PRKRIP1: variants seen among roughly 807,000 people sequenced by gnomAD.
PRKRIP1 encodes PRKR-interacting protein 1.
Under a neutral mutation model 29.3 loss-of-function variants are expected in PRKRIP1, and 29 were observed. The observed-to-expected ratio is 0.99, with a 90% CI of 0.74 to 1.35. The LOEUF (loss-of-function observed/expected upper bound fraction) is 1.35, where lower values mean the gene tolerates loss of function less well. Among genes scored for constraint, PRKRIP1 ranks in the 40% most tolerant of loss-of-function variants. The pLI, the probability that PRKRIP1 is intolerant of heterozygous loss-of-function variation, is 0.00. For synonymous variants in PRKRIP1, 90 were observed against 85.1 expected, an observed-to-expected ratio of 1.06 and a Z score of -0.32; for missense variants, 247 against 236.8, an observed-to-expected ratio of 1.04 and a Z score of -0.28.
At chr7:102,410,555 T>G (rs1796354128) in intron 5 of PRKRIP1, among the ~76,000 whole-genome samples, 1 of 152,142 alleles carries the variant, frequency 6.6e-6, no homozygotes, top group Non-Finnish European at 1.5e-5. Flanking sequence ...ACAGCTACTG[T>G]GGCAGGGGGG....
chr7:102,416,126 C>T (rs1242627315), intron 5 of PRKRIP1, among the ~76,000 whole-genome samples: 1 of 152,244 alleles, frequency 6.6e-6, no homozygotes, highest in Non-Finnish European at 1.5e-5. Flanking sequence ...CAGCCTGCCC[C>T]ATGGGGTTGT....
At chr7:102,416,253 A>G (rs1476463081) in intron 5 of PRKRIP1, among the ~76,000 whole-genome samples, 1 of 152,214 alleles carries the variant, frequency 6.6e-6, no homozygotes, top group Non-Finnish European at 1.5e-5. Flanking sequence ...ATTCACAGAA[A>G]GATTGCAAAG....
chr7:102,397,745 A>AT, intron 2 of PRKRIP1, 47 bp downstream of exon 2: 1 of 1,562,124 alleles, frequency 6.4e-7, no homozygotes. Flanking sequence ...TGTAAATATA[A>AT]TTTTTTAAGG....
In PRKRIP1 at chr7:102,417,730, G is replaced by A. The variant is rs550249828; in HGVS notation, c.458-7284G>A. ...AACTCCGGGCTCAAACAATCCTCTC[G>A]CCTCAGCTTCCTGAGTAGCTGGGCC... On this transcript the variant is annotated intron_variant, in intron 5 of 5. Transcript: ENST00000397912. Among the ~76,000 whole-genome samples, 175 of 147,350 alleles carry A rather than the reference G, an allele frequency of 1.2e-3. 6 individuals are homozygous for A. The South Asian group carries it at 0.036, about 31-fold the overall frequency.
At chr7:102,422,197 CG>C (rs1440066775) in intron 5 of PRKRIP1, among the ~76,000 whole-genome samples, 1 of 144,482 alleles carries the variant, frequency 6.9e-6, no homozygotes, top group Admixed American at 7.0e-5. Context: ...TTATCAGAGA[CG>C]GATTCTAGCT....
rs189375952 is a variant in PRKRIP1 at position 102,422,188 on chromosome 7, T to C, written c.458-2826T>C. Among the ~76,000 whole-genome samples, 84 of 147,396 alleles carry C rather than the reference T, an allele frequency of 5.7e-4. 1 individual carries two copies. The highest frequency in any genetic ancestry group is 1.7e-3 in the African/African-American group (70 of 40,370). On this transcript the variant is annotated intron_variant, in intron 5 of 5. Transcript: ENST00000397912. The stretch of plus-strand genomic sequence containing the variant: ...TTATTATTATTATTATGATTATTAT[T>C]ATCAGAGACGGATTCTAGCTCTGTT...
At chr7:102,414,705 TA>T (rs782475241) in intron 5 of PRKRIP1, among the ~76,000 whole-genome samples, 2 of 151,996 alleles carry the variant, frequency 1.3e-5, no homozygotes, top group Non-Finnish European at 2.9e-5. Context: ...ACCAACATGG[TA>T]AAACCCTATC....
chr7:102,404,509 CTT>C, intron 3 of PRKRIP1, 87 bp from the exon 4 acceptor site: 1 of 1,058,384 alleles, frequency 9.4e-7, no homozygotes, highest in Non-Finnish European at 1.4e-6. Flanking sequence ...AGTGGTGTGA[CTT>C]CTAGAACTCT....
intron 3 of PRKRIP1, among the ~76,000 whole-genome samples, chr7:102,402,353 G>A (rs1422864786): frequency 3.3e-5 from 5 of 151,934 alleles, no homozygotes; most frequent in Admixed American, 6.6e-5. Context: ...CAGGAGGATC[G>A]CTTGAGCCTG....
At chr7:102,402,192 C>T (rs1796091526) in intron 3 of PRKRIP1, among the ~76,000 whole-genome samples, 1 of 152,032 alleles carries the variant, frequency 6.6e-6, no homozygotes, top group African/African-American at 2.4e-5. Flanking sequence ...TCAGTAATCC[C>T]AGCACTTTGG....
chr7:102,426,653 A>G lies in PRKRIP1; in HGVS notation c.*1542A>G, dbSNP rs975340469. On this transcript the variant is annotated 3_prime_UTR_variant, in exon 6 of 6. Coordinates refer to ENST00000397912, the MANE Select transcript of PRKRIP1 (RefSeq NM_024653.4). ...AGAGTCAGCCCTAATAAATGAGCAC[A>G]TGCCCTGGCTGTACATTTTGAAACC... is the stretch of plus-strand genomic sequence containing the variant. The G allele has an allele frequency of 4.6e-5, 7 of 152,734 alleles. No individual in the cohort carries two copies. Among genetic ancestry groups the G allele is most frequent in the African/African-American group, 1.4e-4 (6 of 41,456 alleles). The allele number at this position is 152,734 out of a possible 1,614,324, so 9.5% of individuals were successfully genotyped here.
intron 2 of PRKRIP1, among the ~76,000 whole-genome samples, chr7:102,399,252 G>A (rs1484536641): frequency 5.3e-5 from 8 of 152,264 alleles, no homozygotes; most frequent in South Asian, 2.1e-4. Context: ...GAAATTTAGC[G>A]TGTCAAATGT....
At chr7:102,415,685 G>T (rs1407732318) in intron 5 of PRKRIP1, among the ~76,000 whole-genome samples, 1 of 152,224 alleles carries the variant, frequency 6.6e-6, no homozygotes, top group Non-Finnish European at 1.5e-5. Context: ...GCCCTGTGAG[G>T]TTAGTCAGTG....
chr7:102,397,333 A>C (rs979412766), intron 1 of PRKRIP1, among the ~76,000 whole-genome samples: 3 of 152,010 alleles, frequency 2.0e-5, no homozygotes, highest in African/African-American at 7.2e-5. Context: ...GTCCGAGGCC[A>C]GGAAGGAGTT....
intron 5 of PRKRIP1, among the ~76,000 whole-genome samples, chr7:102,416,837 A>G (rs114317775): frequency 0.02 from 2,982 of 150,826 alleles, 86 homozygotes; most frequent in African/African-American, 0.068. Flanking sequence ...GCACCTCCAC[A>G]CCCTGCTAAT....
chr7:102,396,642 A>G (rs549098869), intron 1 of PRKRIP1, 105 bp downstream of exon 1: 2 of 1,271,414 alleles, frequency 1.6e-6, no homozygotes, highest in South Asian at 1.3e-5. Flanking sequence ...AAACTCAGAA[A>G]CTCAGTATCC....
At chr7:102,407,548 C>A in intron 5 of PRKRIP1, 50 bp downstream of exon 5, 1 of 1,379,004 alleles carries the variant, frequency 7.3e-7, no homozygotes, top group South Asian at 1.2e-5. Context: ...TCTTGTTGGT[C>A]ACAGTGGCTG....
At chr7:102,421,149 C>T (rs1410576465) in intron 5 of PRKRIP1, among the ~76,000 whole-genome samples, 1 of 152,204 alleles carries the variant, frequency 6.6e-6, no homozygotes, top group African/African-American at 2.4e-5. Flanking sequence ...TTGTGTTTTT[C>T]TGTAGCCCAG....
intron 5 of PRKRIP1, among the ~76,000 whole-genome samples, chr7:102,412,963 A>G (rs1485950026): frequency 1.3e-5 from 2 of 152,208 alleles, no homozygotes; most frequent in Admixed American, 6.5e-5. Context: ...ATGTATTCCC[A>G]CACCACTCTT....
Sources: allele counts gnomAD v4.1 joint callset (sites outside exome capture counted in the v4.1 genomes callset), GRCh38; gene constraint gnomAD v4.1.1; transcripts MANE v1.5; gene names NCBI Gene and HGNC (gene_info 2026-07-23, HGNC 2026-07-21).